The following MAP4K3 variants were observed in gnomAD, a reference collection of about 807,000 sequenced individuals.
MAP4K3 encodes the protein mitogen-activated protein kinase kinase kinase kinase 3.
Under a neutral mutation model 143.5 loss-of-function variants are expected in MAP4K3, and 94 were observed. That is an observed-to-expected ratio of 0.65 (90% CI 0.55 to 0.78). The LOEUF is 0.78. Ranked by LOEUF, MAP4K3 falls within the 30% of genes least tolerant of loss-of-function variation. The probability of loss-of-function intolerance (pLI) is 0.00; values close to 1 mark genes in which losing one functional copy is unlikely to be tolerated. For synonymous variants in MAP4K3, 416 were observed against 347.2 expected (o/e 1.20, Z -2.20); for missense variants, 1,077 against 1,068.1 (o/e 1.01, Z -0.12).
At chr2:39,343,510 G>T in intron 3 of MAP4K3, 58 bp from the exon 4 acceptor site, 3 of 1,397,148 alleles carry the variant, frequency 2.1e-6, no homozygotes, top group Admixed American at 1.8e-5. Context: ...TCTGTGTGAG[G>T]TAACAAGTAT....
At chr2:39,285,364 T>C (rs1286229295) in intron 21 of MAP4K3, among the ~76,000 whole-genome samples, 4 of 152,174 alleles carry the variant, frequency 2.6e-5, no homozygotes, top group African/African-American at 7.2e-5. Context: ...AATGTTTACT[T>C]AGTACCATTG....
intron 1 of MAP4K3, among the ~76,000 whole-genome samples, chr2:39,431,063 C>T (rs1162278494): frequency 1.3e-5 from 2 of 152,180 alleles, no homozygotes; most frequent in Non-Finnish European, 2.9e-5. Flanking sequence ...AGCAAAATCA[C>T]CAGTTTCCTG....
chr2:39,294,215 A>G (rs1296791710), intron 16 of MAP4K3: 2 of 152,236 alleles, frequency 1.3e-5, no homozygotes, highest in Non-Finnish European at 2.9e-5. Context: ...CATATCAGGA[A>G]AAACTGCCCT....
At chr2:39,411,042 T>C (rs1022734817) in intron 1 of MAP4K3, among the ~76,000 whole-genome samples, 1 of 152,206 alleles carries the variant, frequency 6.6e-6, no homozygotes, top group African/African-American at 2.4e-5. Context: ...GAACAGAATC[T>C]ATGTCTTTTT....
chr2:39,272,573 G>T (rs1167635730), intron 24 of MAP4K3, 31 bp from the exon 25 acceptor site: 4 of 1,561,894 alleles, frequency 2.6e-6, no homozygotes, highest in Admixed American at 1.7e-5. Flanking sequence ...AGTTTACAAA[G>T]AATAATACAT....
intron 21 of MAP4K3, among the ~76,000 whole-genome samples, chr2:39,285,382 T>TA (rs968494232): frequency 1.5e-4 from 22 of 151,438 alleles, no homozygotes; most frequent in Admixed American, 7.9e-4. Context: ...TTGGAAAGGT[T>TA]AAAAAAAAAG....
rs544863797 is a variant in MAP4K3, at chr2:39,290,320, G to A, written c.1286C>T (p.Ala429Val). 17 of 1,607,546 alleles carry A rather than the reference G, an allele frequency of 1.1e-5. No individual in the cohort carries two copies. Among genetic ancestry groups the A allele is most frequent in the Non-Finnish European group, 1.4e-5 (17 of 1,177,100 alleles). ...DDESKHSTLK[A>V]KIPPPLPPKP... The stretch of plus-strand genomic sequence containing the variant: ...TGGTGGCAAAGGAGGTGGAATTTTT[G>A]CTTTCAGAGTTGAGCTAAAAACAGA... The change falls in exon 19 of 34, where the codon GCA (alanine) becomes GTA (valine). Residue 429 changes from alanine (A) to valine (V), a missense_variant. Coordinates refer to ENST00000263881, the MANE Select transcript of MAP4K3 (RefSeq NM_003618.4).
At chr2:39,359,062 C>A (rs1291772373) in intron 2 of MAP4K3, among the ~76,000 whole-genome samples, 1 of 152,226 alleles carries the variant, frequency 6.6e-6, no homozygotes, top group Non-Finnish European at 1.5e-5. Context: ...AAAGTCTCAT[C>A]TGAGACAAGG....
intron 24 of MAP4K3, among the ~76,000 whole-genome samples, chr2:39,277,049 C>G (rs1681287819): frequency 6.6e-6 from 1 of 152,230 alleles, no homozygotes; most frequent in Non-Finnish European, 1.5e-5. Flanking sequence ...CTTTTCCCCT[C>G]TGTTCTCTAC....
At chr2:39,282,579 T>G (rs767227830) in intron 21 of MAP4K3, 25 bp from the exon 22 acceptor site, 1 of 1,577,506 alleles carries the variant, frequency 6.3e-7, no homozygotes, top group Non-Finnish European at 8.7e-7. Context: ...CATGTATGAT[T>G]ACACTTTTTT....
At chr2:39,331,246 A>G (rs1250844405) in intron 8 of MAP4K3, among the ~76,000 whole-genome samples, 1 of 152,132 alleles carries the variant, frequency 6.6e-6, no homozygotes, top group Non-Finnish European at 1.5e-5. Context: ...TGAACAAAAA[A>G]AGCTCTATAC....
intron 8 of MAP4K3, among the ~76,000 whole-genome samples, chr2:39,327,235 A>G (rs2024514): frequency 0.71 from 107,299 of 152,022 alleles, 41,115 homozygotes; most frequent in Non-Finnish European, 0.85. Flanking sequence ...GGGCACCAAT[A>G]ATCTTCATAT....
intron 1 of MAP4K3, among the ~76,000 whole-genome samples, chr2:39,400,342 A>G (rs1282926482): frequency 6.6e-6 from 1 of 152,234 alleles, no homozygotes; most frequent in African/African-American, 2.4e-5. Flanking sequence ...ATTTATTAGC[A>G]TAAGTTGCTC....
chr2:39,384,984 A>C (rs910685185), intron 1 of MAP4K3, among the ~76,000 whole-genome samples: 1 of 152,214 alleles, frequency 6.6e-6, no homozygotes, highest in African/African-American at 2.4e-5. Flanking sequence ...ATGCCATATA[A>C]ATTCATTCAT....
At chr2:39,334,949 A>C (rs2148525335) in intron 6 of MAP4K3, among the ~76,000 whole-genome samples, 1 of 152,318 alleles carries the variant, frequency 6.6e-6, no homozygotes, top group Admixed American at 6.5e-5. Flanking sequence ...ATATGAGCAG[A>C]GATCTGGGTG....
chr2:39,272,477 C>T lies in MAP4K3; in HGVS notation c.1855+5G>A. On this transcript the variant is annotated splice_donor_5th_base_variant and intron_variant, in intron 25 of 33. Coordinates refer to ENST00000263881, the MANE Select transcript of MAP4K3 (RefSeq NM_003618.4). ...TGTAAGGTATTTAAAAACTAATATA[C>T]TTACCAGATATTGATAGCAAGCAAT... The T allele has an allele frequency of 6.2e-7, 1 of 1,609,740 alleles. No homozygotes were observed. Among genetic ancestry groups the T allele is most frequent in the Non-Finnish European group, 8.5e-7 (1 of 1,176,348 alleles).
intron 1 of MAP4K3, among the ~76,000 whole-genome samples, chr2:39,431,523 G>A (rs1357727273): frequency 1.3e-5 from 2 of 152,138 alleles, no homozygotes; most frequent in Admixed American, 6.5e-5. Flanking sequence ...AAAGTGGTGG[G>A]AGAAGTGCTG....
At chr2:39,263,941 C>T (rs1448625893) in intron 28 of MAP4K3, among the ~76,000 whole-genome samples, 1 of 152,064 alleles carries the variant, frequency 6.6e-6, no homozygotes, top group Non-Finnish European at 1.5e-5. Flanking sequence ...AATGGTTTAC[C>T]ATATTAGATA....
chr2:39,252,773 T>C (rs1680200374), intron 32 of MAP4K3, among the ~76,000 whole-genome samples: 1 of 152,236 alleles, frequency 6.6e-6, no homozygotes, highest in Non-Finnish European at 1.5e-5. Context: ...CTAATGACTC[T>C]TAGCTTCTGT....
Sources: gnomAD v4.1 joint callset for allele counts (sites outside exome capture counted in the v4.1 genomes callset) on GRCh38, gnomAD v4.1.1 for gene constraint, MANE v1.5 for transcripts, NCBI Gene and HGNC (gene_info 2026-07-23, HGNC 2026-07-21) for gene names.